Variants in AKAP12 observed in about 807,000 individuals in gnomAD.
AKAP12 encodes A-kinase anchor protein 12.
Under a neutral mutation model 79.9 loss-of-function variants are expected in AKAP12, and 32 were observed. That is an observed-to-expected ratio of 0.40 (90% CI 0.30 to 0.54). AKAP12 has a LOEUF of 0.54. Among genes scored for constraint, AKAP12 ranks in the 20% least tolerant of loss-of-function variants. AKAP12 has a pLI of 0.48. For missense variants in AKAP12, 2,074 were observed against 2,177.0 expected, an observed-to-expected ratio of 0.95 and a Z score of 0.94; for synonymous variants, 808 against 857.0, an observed-to-expected ratio of 0.94 and a Z score of 1.00.
chr6:151,355,269 A>T (rs988653879), intron 4 of AKAP12, among the ~76,000 whole-genome samples: 1 of 151,416 alleles, frequency 6.6e-6, no homozygotes, highest in East Asian at 2.0e-4. Context: ...GATTACAGGC[A>T]TGAGCCACCG....
intron 2 of AKAP12, among the ~76,000 whole-genome samples, chr6:151,261,699 C>G (rs1286246580): frequency 6.6e-6 from 1 of 150,876 alleles, no homozygotes; most frequent in Non-Finnish European, 1.5e-5. Context: ...GACTCCATCT[C>G]AAAAACAAAC....
At chr6:151,255,679 A>G (rs773858084) in intron 2 of AKAP12, among the ~76,000 whole-genome samples, 2 of 151,944 alleles carry the variant, frequency 1.3e-5, no homozygotes, top group Non-Finnish European at 2.9e-5. Context: ...AGTCCCAGCT[A>G]CTCAGGAGGC....
At chr6:151,264,141 G>T (rs951343977) in intron 2 of AKAP12, among the ~76,000 whole-genome samples, 4 of 152,112 alleles carry the variant, frequency 2.6e-5, no homozygotes, top group African/African-American at 9.7e-5. Context: ...AGAGAATGGA[G>T]AACATCCGCT....
Position 151,262,035 on chromosome 6 carries a change from C to T in AKAP12, c.162+21311C>T, listed in dbSNP as rs550933812. On this transcript the variant is annotated intron_variant, in intron 2 of 4. Transcript: ENST00000402676. The stretch of plus-strand genomic sequence containing the variant: ...GGAGTGGAATGGCGAGATCTTGAAC[C>T]GCCTCCCAGGTTCAAGAGATTCTCC... Among the ~76,000 whole-genome samples, 204 of 152,098 alleles carry T rather than the reference C, an allele frequency of 1.3e-3. 1 individual carries two copies. The highest frequency in any genetic ancestry group is 4.3e-3 in the African/African-American group (179 of 41,502).
intron 2 of AKAP12, among the ~76,000 whole-genome samples, chr6:151,267,380 C>T (rs1278069912): frequency 6.6e-6 from 1 of 152,172 alleles, no homozygotes; most frequent in African/African-American, 2.4e-5. Flanking sequence ...ACTTAATTGA[C>T]ATAGTCACAT....
chr6:151,322,750 T>C (rs3798769), intron 3 of AKAP12, among the ~76,000 whole-genome samples: 12,503 of 145,588 alleles, frequency 0.086, 710 homozygotes, highest in East Asian at 0.18. Flanking sequence ...CACCCACTCC[T>C]GCCACTGGGT....
chr6:151,259,511 TACAC>T (rs373506742), intron 2 of AKAP12, among the ~76,000 whole-genome samples: 1,863 of 101,084 alleles, frequency 0.018, 16 homozygotes, highest in South Asian at 0.029. Flanking sequence ...TATATATATA[TACAC>T]ACACACACAC....
intron 2 of AKAP12, among the ~76,000 whole-genome samples, chr6:151,301,748 G>A (rs565280441): frequency 1.3e-5 from 2 of 152,222 alleles, no homozygotes; most frequent in Non-Finnish European, 2.9e-5. Context: ...CTGGCGGGAC[G>A]CAAGCTATTC....
Position 151,348,988 on chromosome 6 carries a change from C to T in AKAP12, c.597C>T (p.Leu199=), listed in dbSNP as rs759299353. 6.2e-6 allele frequency: 10 copies of T among 1,613,968 alleles called. No individual in the cohort carries two copies. Among genetic ancestry groups the T allele is most frequent in the Non-Finnish European group, 8.5e-6 (10 of 1,180,026 alleles). The part of the protein sequence containing the change: ...KTEKPDTVQL[L]TVKKDEGEGA... ...AGAAGCCTGACACTGTCCAGCTACTCACTGTGAAGAAAGATGAAGGGGAGG... is the reference window on the plus strand; with the variant it reads ...AGAAGCCTGACACTGTCCAGCTACTTACTGTGAAGAAAGATGAAGGGGAGG... The change falls in exon 4 of 5, where the codon CTC becomes CTT. Residue 199 remains leucine, a synonymous_variant. Transcript: ENST00000402676.
At chr6:151,304,724 G>A (rs1776940298) in intron 2 of AKAP12, among the ~76,000 whole-genome samples, 2 of 151,544 alleles carry the variant, frequency 1.3e-5, no homozygotes, top group Admixed American at 6.6e-5. Flanking sequence ...CTACAGGCAT[G>A]CACCACCATG....
chr6:151,336,730 G>A (rs376899248), intron 3 of AKAP12, among the ~76,000 whole-genome samples: 35 of 152,296 alleles, frequency 2.3e-4, no homozygotes, highest in African/African-American at 7.9e-4. Flanking sequence ...GCGACAGAGC[G>A]AGACTCTGTC....
chr6:151,251,719 G>A (rs570881804), intron 2 of AKAP12, among the ~76,000 whole-genome samples: 5 of 152,250 alleles, frequency 3.3e-5, no homozygotes, highest in East Asian at 1.9e-4. Flanking sequence ...AGGTTTGGCC[G>A]GGCACAGTGG....
chr6:151,267,511 T>TG (rs1176541115), intron 2 of AKAP12, among the ~76,000 whole-genome samples: 2 of 152,190 alleles, frequency 1.3e-5, no homozygotes, highest in African/African-American at 4.8e-5. Flanking sequence ...CATCACAGTG[T>TG]GGAAGAGTCC....
In AKAP12 at chr6:151,349,715, G is replaced by T. The variant is rs749178357; in HGVS notation, c.1324G>T (p.Val442Leu). ...KTEVEETAGS[V>L]PAEELVEMDA... ...GGAGGTGGAAGAAACAGCAGGGTCTGTGCCAGCTGAAGAATTGGTTGAAAT... is the reference window on the plus strand; with the variant it reads ...GGAGGTGGAAGAAACAGCAGGGTCTTTGCCAGCTGAAGAATTGGTTGAAAT... Residue 442 changes from valine to leucine, a missense_variant, in exon 4 of 5, where the codon GTG (valine) becomes TTG (leucine). Physicochemically the swap from Val to Leu is conservative, Grantham distance 32 (BLOSUM62 1). Around this residue, in one of 3 missense-constraint regions of AKAP12, gnomAD observed 1,428 missense variants for 1,451.0 expected, o/e 0.98. Transcript: ENST00000402676. 1 of 1,614,174 alleles carries T rather than the reference G, an allele frequency of 6.2e-7. No homozygotes were observed. The highest frequency in any genetic ancestry group is 8.5e-7 in the Non-Finnish European group (1 of 1,180,038).
chr6:151,254,203 A>G (rs920442160), intron 2 of AKAP12, among the ~76,000 whole-genome samples: 2 of 146,768 alleles, frequency 1.4e-5, no homozygotes, highest in African/African-American at 5.0e-5. Context: ...TATTCCACTG[A>G]CAAAAGCAGT....
At chr6:151,347,747 T>G (rs1778138751) in intron 3 of AKAP12, among the ~76,000 whole-genome samples, 1 of 152,216 alleles carries the variant, frequency 6.6e-6, no homozygotes, top group Non-Finnish European at 1.5e-5. Context: ...TTTAAAATAT[T>G]TAATTTTCAC....
In AKAP12 at chr6:151,247,210, G is replaced by A. The variant is rs529598043; in HGVS notation, c.162+6486G>A. ...TTGAGAGAAAGTTCAAGAGTGGCCT[G>A]GGCAACATAGCAAGACCCCATCTCT... On this transcript the variant is annotated intron_variant, in intron 2 of 4. Coordinates refer to ENST00000402676, the MANE Select transcript of AKAP12 (RefSeq NM_005100.4). 9.8e-4 allele frequency among the ~76,000 whole-genome samples: 149 copies of A among 152,148 alleles called. 2 individuals carry two copies. Among genetic ancestry groups the A allele is most frequent in the South Asian group, 9.8e-3 (47 of 4,820 alleles).
chr6:151,341,617 C>A, intron 3 of AKAP12: 1 of 916,188 alleles, frequency 1.1e-6, no homozygotes, highest in Non-Finnish European at 1.4e-6. Context: ...CGCTGGGCCT[C>A]ACGGGCGGCT....
At chr6:151,265,693 C>A (rs962638689) in intron 2 of AKAP12, among the ~76,000 whole-genome samples, 2 of 152,182 alleles carry the variant, frequency 1.3e-5, no homozygotes, top group Non-Finnish European at 2.9e-5. Context: ...TGTTAAAAAT[C>A]TAACAGTACA....
Sources: allele counts gnomAD v4.1 joint callset (sites outside exome capture counted in the v4.1 genomes callset), GRCh38; gene constraint gnomAD v4.1.1; regional missense constraint gnomAD v4.1.1; transcripts MANE v1.5; gene names NCBI Gene and HGNC (gene_info 2026-07-23, HGNC 2026-07-21).